GMCL1: variants seen among roughly 807,000 people sequenced by gnomAD.
GMCL1 encodes the protein germ cell-less 1, spermatogenesis associated.
Under a neutral mutation model 75.5 loss-of-function variants are expected in GMCL1, and 54 were observed. The observed-to-expected ratio is 0.71, with a 90% CI of 0.57 to 0.90. GMCL1 has a LOEUF of 0.90. GMCL1 is among the 40% of genes least tolerant of loss of function. The pLI, the probability that GMCL1 is intolerant of heterozygous loss-of-function variation, is 0.00. For synonymous variants in GMCL1, 210 were observed against 209.6 expected, an observed-to-expected ratio of 1.00 and a Z score of -0.02; for missense variants, 537 against 622.7, an observed-to-expected ratio of 0.86 and a Z score of 1.47.
intron 8 of GMCL1, 147 bp from the exon 9 acceptor site, chr2:69,854,676 C>T (rs1675418141): frequency 1.6e-6 from 1 of 621,966 alleles, no homozygotes; most frequent in Non-Finnish European, 2.8e-6. Context: ...ATCTGTAAAC[C>T]TAAGGTTTAT....
chr2:69,864,823 GTTCTT>G, intron 10 of GMCL1, 72 bp from the exon 11 acceptor site: 1 of 944,016 alleles, frequency 1.1e-6, no homozygotes, highest in Non-Finnish European at 1.6e-6. Context: ...AAGATTTTCT[GTTCTT>G]AACTCATAGT....
chr2:69,858,860 A>G (rs1573361990), intron 9 of GMCL1, among the ~76,000 whole-genome samples: 1 of 152,186 alleles, frequency 6.6e-6, no homozygotes, highest in South Asian at 2.1e-4. Flanking sequence ...ATTCTAAAAC[A>G]TTTTTGGCCG....
intron 1 of GMCL1, among the ~76,000 whole-genome samples, chr2:69,834,679 A>C (rs1207931805): frequency 6.6e-6 from 1 of 152,138 alleles, no homozygotes; most frequent in Non-Finnish European, 1.5e-5. Context: ...TTTAATTAGA[A>C]TGTGCTTAAG....
At position 69,854,857 on chromosome 2, in the gene GMCL1, A is replaced by G; in HGVS notation, c.969A>G (p.Gln323=). 6.2e-7 allele frequency: 1 copy of G among 1,611,356 alleles called. No homozygotes were observed. Among genetic ancestry groups the G allele is most frequent in the South Asian group, 1.1e-5 (1 of 90,688 alleles). The change falls in exon 9 of 14, where the codon CAA becomes CAG. Residue 323 remains glutamine, a synonymous_variant. Transcript: ENST00000282570. ...GTATGGCCTTTCTTGAAACTGAACA[A>G]GGAAAACCATTTGTGTCAGTATTCA... The part of the protein sequence containing the change: ...FEGMAFLETE[Q]GKPFVSVFRH...
Position 69,871,685 on chromosome 2 carries a change from CT to C in GMCL1, c.1365-58del, listed in dbSNP as rs200164753. ...AAGTAAATATGAAAGTAAGGAAGAGCTTGTTTAATCTGTGGTTTAAAAATCT... is the reference window on the plus strand; with the variant it reads ...AAGTAAATATGAAAGTAAGGAAGAGCTGTTTAATCTGTGGTTTAAAAATCT... On this transcript the variant is annotated intron_variant, in intron 12 of 13. Transcript: ENST00000282570. The C allele has an allele frequency of 1.2e-3, 973 of 844,822 alleles. 4 individuals carry two copies. The African/African-American group carries it at 0.014, about 12-fold the overall frequency. The allele number at this position is 844,822 out of a possible 1,614,324, so 52.3% of individuals were successfully genotyped here.
intron 6 of GMCL1, among the ~76,000 whole-genome samples, chr2:69,845,203 C>T (rs1356778677): frequency 6.6e-6 from 1 of 152,226 alleles, no homozygotes; most frequent in African/African-American, 2.4e-5. Context: ...CAGTCAACTG[C>T]GCCGCCTTCG....
chr2:69,867,238 G>A (rs1273231166), intron 11 of GMCL1, among the ~76,000 whole-genome samples: 1 of 151,964 alleles, frequency 6.6e-6, no homozygotes, highest in Admixed American at 6.6e-5. Context: ...GAGCCACCAC[G>A]TCCAGCCCTC....
intron 11 of GMCL1, among the ~76,000 whole-genome samples, chr2:69,869,245 G>A (rs1675912903): frequency 8.6e-6 from 1 of 116,612 alleles, no homozygotes; most frequent in African/African-American, 3.5e-5. Context: ...GCAAACCTCT[G>A]TCTCAAAAAA....
At chr2:69,851,318 T>C (rs1421397022) in intron 8 of GMCL1, among the ~76,000 whole-genome samples, 1 of 152,150 alleles carries the variant, frequency 6.6e-6, no homozygotes, top group South Asian at 2.1e-4. Flanking sequence ...CGGAGGCTGA[T>C]GCCTGTACTC....
intron 13 of GMCL1, among the ~76,000 whole-genome samples, chr2:69,875,999 C>T (rs1435226194): frequency 6.6e-6 from 1 of 152,082 alleles, no homozygotes. Flanking sequence ...CAGTATTTTA[C>T]ATTTCAGTTG....
At chr2:69,858,998 A>G (rs1003879556) in intron 9 of GMCL1, among the ~76,000 whole-genome samples, 1 of 151,622 alleles carries the variant, frequency 6.6e-6, no homozygotes, top group Non-Finnish European at 1.5e-5. Context: ...TACAAAAAAT[A>G]AGCCAGGTGT....
At position 69,841,026 on chromosome 2, in the gene GMCL1, G is replaced by A. The variant is rs867895240; in HGVS notation, c.566G>A (p.Cys189Tyr). The change falls in exon 4 of 14, where the codon TGT becomes TAT. Residue 189 changes from cysteine to tyrosine, a missense_variant. By Grantham distance (194) the Cys-to-Tyr change is radical. Transcript: ENST00000282570. ...GTTGTTGCCATTTTGGCAGCAGCTT[G>A]TTTGCTGCAGTTGGTAAGTATGCAC... ...SRVVAILAAA[C>Y]LLQLDGLIQQ... 23 of 1,612,628 alleles carry A rather than the reference G, an allele frequency of 1.4e-5. No individual in the cohort carries two copies. In the African/African-American group the frequency reaches 2.5e-4, roughly 18 times the overall value.
At chr2:69,861,723 A>C (rs1308968010) in intron 10 of GMCL1, among the ~76,000 whole-genome samples, 1 of 152,210 alleles carries the variant, frequency 6.6e-6, no homozygotes, top group African/African-American at 2.4e-5. Context: ...TTCTTATGGT[A>C]GTATTGTCAA....
At chr2:69,838,336 CAAAAAAAAAA>C (rs71397366) in intron 2 of GMCL1, among the ~76,000 whole-genome samples, 965 of 31,544 alleles carry the variant, frequency 0.031, 21 homozygotes, top group African/African-American at 0.078. Flanking sequence ...GACTCTGTCT[CAAAAAAAAAA>C]AAAAAAAAAA....
rs545770153 is a variant in GMCL1 at position 69,858,473 on chromosome 2, G to A, written c.1073-2805G>A. Among the ~76,000 whole-genome samples the A allele has an allele frequency of 5.9e-5, 9 of 152,264 alleles. No homozygotes were observed. In the East Asian group the frequency reaches 1.3e-3, roughly 23 times the overall value. On this transcript the variant is annotated intron_variant, in intron 9 of 13. Transcript: ENST00000282570. ...CTAACAGTAGCTCTCTGCCAAAAAG[G>A]GTTCTGGCAAACTCTTCCTAGTGTT...
intron 11 of GMCL1, among the ~76,000 whole-genome samples, chr2:69,866,850 A>G (rs1675831513): frequency 6.6e-6 from 1 of 152,188 alleles, no homozygotes; most frequent in African/African-American, 2.4e-5. Context: ...TGCTGCTTTC[A>G]GATCTTCTTG....
chr2:69,868,908 G>C (rs1474360125), intron 11 of GMCL1, among the ~76,000 whole-genome samples: 1 of 150,282 alleles, frequency 6.7e-6, no homozygotes, highest in African/African-American at 2.4e-5. Flanking sequence ...AAGGTCAGCA[G>C]TTCAAGACCA....
At chr2:69,853,273 A>G (rs958034194) in intron 8 of GMCL1, among the ~76,000 whole-genome samples, 4 of 152,198 alleles carry the variant, frequency 2.6e-5, no homozygotes, top group African/African-American at 9.7e-5. Context: ...AACTCAAGAG[A>G]TATAAATCCA....
At chr2:69,873,767 T>G (rs906255191) in intron 13 of GMCL1, 1 of 168,418 alleles carries the variant, frequency 5.9e-6, no homozygotes, top group African/African-American at 2.4e-5. Flanking sequence ...GTCCTCTGTC[T>G]TCTTCATGGC....
Sources: allele counts gnomAD v4.1 joint callset (sites outside exome capture counted in the v4.1 genomes callset), GRCh38; gene constraint gnomAD v4.1.1; transcripts MANE v1.5; gene names NCBI Gene and HGNC (gene_info 2026-07-23, HGNC 2026-07-21).